Variants in SLC1A2 observed in about 807,000 individuals in gnomAD.
The protein encoded by SLC1A2 is solute carrier family 1 member 2.
SLC1A2 carries 15 observed loss-of-function variants against 48.8 expected under a neutral mutation model. The ratio of observed to expected loss-of-function variants is 0.31; its 90% confidence interval spans 0.21 to 0.47. The LOEUF (loss-of-function observed/expected upper bound fraction) is 0.47. SLC1A2 is among the 20% of genes least tolerant of loss of function. The pLI is 0.99. For missense variants in SLC1A2, 502 were observed against 730.5 expected (o/e 0.69, Z 3.61); for synonymous variants, 279 against 272.6 (o/e 1.02, Z -0.23).
At chr11:35,364,786 A>T (rs1446889542) in intron 1 of SLC1A2, among the ~76,000 whole-genome samples, 2 of 152,072 alleles carry the variant, frequency 1.3e-5, no homozygotes, top group East Asian at 3.9e-4. Context: ...TGCACACTCA[A>T]CCTATTTCTT....
At chr11:35,303,899 A>G (rs1318899001) in intron 5 of SLC1A2, among the ~76,000 whole-genome samples, 1 of 152,178 alleles carries the variant, frequency 6.6e-6, no homozygotes, top group East Asian at 1.9e-4. Flanking sequence ...AAAAACAGAA[A>G]GACAGCAAAA....
chr11:35,398,032 G>A (rs1855020679), intron 1 of SLC1A2, among the ~76,000 whole-genome samples: 1 of 152,184 alleles, frequency 6.6e-6, no homozygotes, highest in Non-Finnish European at 1.5e-5. Context: ...CAGCAGCACA[G>A]GCAGGGCTAA....
At chr11:35,309,422 G>A (rs1851617595) in intron 4 of SLC1A2, among the ~76,000 whole-genome samples, 1 of 152,154 alleles carries the variant, frequency 6.6e-6, no homozygotes. Flanking sequence ...CTCTATTACT[G>A]GGCTGGATTT....
chr11:35,319,280 T>C (rs1851983261), intron 1 of SLC1A2, among the ~76,000 whole-genome samples: 1 of 152,208 alleles, frequency 6.6e-6, no homozygotes, highest in South Asian at 2.1e-4. Context: ...AAAATGACCT[T>C]TTTAACGTGG....
At chr11:35,322,792 C>T in intron 1 of SLC1A2, 1 of 731,964 alleles carries the variant, frequency 1.4e-6, no homozygotes, top group Non-Finnish European at 2.4e-6. Flanking sequence ...GCACCAAGAA[C>T]CAGGAAGCAG....
At chr11:35,301,024 C>CA (rs1431450569) in intron 6 of SLC1A2, among the ~76,000 whole-genome samples, 2 of 151,812 alleles carry the variant, frequency 1.3e-5, no homozygotes, top group Non-Finnish European at 2.9e-5. Flanking sequence ...GACCCTGTCT[C>CA]AAAAAAATTA....
intron 1 of SLC1A2, among the ~76,000 whole-genome samples, chr11:35,332,556 T>G (rs536281953): frequency 7.9e-5 from 12 of 152,362 alleles, no homozygotes; most frequent in Non-Finnish European, 1.5e-4. Flanking sequence ...TTGAATTATG[T>G]ATATGACAAA....
chr11:35,346,562 A>G (rs1853043416), intron 1 of SLC1A2, among the ~76,000 whole-genome samples: 1 of 152,256 alleles, frequency 6.6e-6, no homozygotes, highest in Non-Finnish European at 1.5e-5. Context: ...TATAAACAAG[A>G]GTAACTAATG....
Position 35,269,991 on chromosome 11 carries a change from C to T in SLC1A2, c.1422-4233G>A, listed in dbSNP as rs185951511. ...GCGTGGTGGTGCACGCCTGTAATCC[C>T]AGCTACTCGGGAGGCTGAGATAGGA... On this transcript the variant is annotated intron_variant, in intron 9 of 10. Transcript: ENST00000278379. Among the ~76,000 whole-genome samples, 332 of 152,228 alleles carry T rather than the reference C, an allele frequency of 2.2e-3. 1 individual carries two copies. The highest frequency in any genetic ancestry group is 7.4e-3 in the African/African-American group (308 of 41,518).
At chr11:35,287,419 T>G (rs1425060551) in intron 7 of SLC1A2, among the ~76,000 whole-genome samples, 3 of 152,220 alleles carry the variant, frequency 2.0e-5, no homozygotes, top group African/African-American at 7.2e-5. Context: ...CTGAATGGAT[T>G]GCATTTAGCC....
chr11:35,365,587 C>T (rs1222499248), intron 1 of SLC1A2, among the ~76,000 whole-genome samples: 1 of 95,950 alleles, frequency 1.0e-5, no homozygotes, highest in African/African-American at 4.9e-5. Flanking sequence ...TCCTTTAAAA[C>T]CCCGCTCTGC....
At chr11:35,331,659 G>C (rs891563159) in intron 1 of SLC1A2, among the ~76,000 whole-genome samples, 2 of 152,174 alleles carry the variant, frequency 1.3e-5, no homozygotes, top group East Asian at 1.9e-4. Context: ...CCTCTTGCAC[G>C]ATCCATTCTC....
upstream of SLC1A2, chr11:35,419,563 C>G (rs1292023797): frequency 6.3e-6 from 1 of 157,650 alleles, no homozygotes; most frequent in Non-Finnish European, 1.4e-5. This position sits in a 1 kb window ranked among gnomAD's most constrained non-coding sequence, Gnocchi z 5.4. Context: ...TCACCCGCGC[C>G]GCCGCCTCGG....
At chr11:35,276,453 A>T (rs879381054) in intron 9 of SLC1A2, among the ~76,000 whole-genome samples, 75 of 144,154 alleles carry the variant, frequency 5.2e-4, no homozygotes, top group South Asian at 1.7e-3. Flanking sequence ...ATCCTTTTTA[A>T]AAAAAAAAAA....
chr11:35,365,734 T>C (rs1197873655), intron 1 of SLC1A2, among the ~76,000 whole-genome samples: 1 of 152,206 alleles, frequency 6.6e-6, no homozygotes, highest in Non-Finnish European at 1.5e-5. Flanking sequence ...TTACAGTTTA[T>C]ATGTCTGTCT....
intron 6 of SLC1A2, among the ~76,000 whole-genome samples, chr11:35,295,860 C>T (rs1174768346): frequency 6.6e-6 from 1 of 152,182 alleles, no homozygotes; most frequent in African/African-American, 2.4e-5. Context: ...AGAATTCAGT[C>T]GGTGTCCAGG....
chr11:35,341,415 A>G (rs892083914), intron 1 of SLC1A2, among the ~76,000 whole-genome samples: 1 of 152,254 alleles, frequency 6.6e-6, no homozygotes, highest in African/African-American at 2.4e-5. Flanking sequence ...CGTATTCACG[A>G]AAATGTTTAA....
intron 1 of SLC1A2, among the ~76,000 whole-genome samples, chr11:35,339,402 T>C (rs533457896): frequency 6.6e-6 from 1 of 152,274 alleles, no homozygotes. Flanking sequence ...ATACTCTGCT[T>C]TGAAGGGGAC....
At chr11:35,355,961 C>T (rs1853445383) in intron 1 of SLC1A2, among the ~76,000 whole-genome samples, 1 of 151,556 alleles carries the variant, frequency 6.6e-6, no homozygotes, top group Non-Finnish European at 1.5e-5. Flanking sequence ...CCTTGGTTTT[C>T]TCATATGTAA....
Sources: allele counts gnomAD v4.1 joint callset (sites outside exome capture counted in the v4.1 genomes callset), GRCh38; gene constraint gnomAD v4.1.1; non-coding constraint Gnocchi (gnomAD v3.1); transcripts MANE v1.5; gene names NCBI Gene and HGNC (gene_info 2026-07-23, HGNC 2026-07-21).